GOLPH3L: variants seen among roughly 807,000 people sequenced by gnomAD.
The protein encoded by GOLPH3L is Golgi phosphoprotein 3-like.
GOLPH3L carries 22 observed loss-of-function variants against 30.3 expected under a neutral mutation model. The ratio of observed to expected loss-of-function variants is 0.73; its 90% confidence interval spans 0.52 to 1.04. GOLPH3L has a LOEUF of 1.04. GOLPH3L is among the 50% of genes least tolerant of loss of function. The pLI is 0.00. For missense variants in GOLPH3L, 303 were observed against 345.8 expected, an observed-to-expected ratio of 0.88 and a Z score of 0.98; for synonymous variants, 120 against 128.2, an observed-to-expected ratio of 0.94 and a Z score of 0.43.
chr1:150,648,323 A>G lies in GOLPH3L; in HGVS notation c.856T>C (p.Ter286GlnextTer14), dbSNP rs1311423351. The change falls in exon 5 of 5, where the codon TAA becomes CAA. Residue 286 changes from the stop codon to glutamine (Q), a stop_lost. Transcript: ENST00000271732. ...WAVLAAFNKS* is the reference protein window; with the variant it reads ...WAVLAAFNKSQ ...AAGGAGAAATCCACCTGCCGGCTTT[A>G]AGATTTATTGAAGGCTGCCAGCACA... is the stretch of plus-strand genomic sequence containing the variant. The G allele has an allele frequency of 6.3e-7, 1 of 1,586,638 alleles. No individual in the cohort carries two copies. The highest frequency in any genetic ancestry group is 8.6e-7 in the Non-Finnish European group (1 of 1,163,472).
Position 150,646,447 on chromosome 1 carries a change from T to C in GOLPH3L, c.*1874A>G, listed in dbSNP as rs587629194. 1 of 152,320 alleles carries C rather than the reference T, an allele frequency of 6.6e-6. No homozygotes were observed. The highest frequency in any genetic ancestry group is 2.4e-5 in the African/African-American group (1 of 41,574). The allele number at this position is 152,320 out of a possible 1,614,324, so 9.4% of individuals were successfully genotyped here. ...CACAGGAAAACCTGGTTTCAATTCATGCCGAATTGTTCAAAGAAAAGAAAA... is the reference window on the plus strand; with the variant it reads ...CACAGGAAAACCTGGTTTCAATTCACGCCGAATTGTTCAAAGAAAAGAAAA... On this transcript the variant is annotated 3_prime_UTR_variant, in exon 5 of 5. Coordinates refer to ENST00000271732, the MANE Select transcript of GOLPH3L (RefSeq NM_018178.6).
intron 4 of GOLPH3L, among the ~76,000 whole-genome samples, chr1:150,658,867 T>G (rs1159051058): frequency 5.9e-5 from 9 of 152,188 alleles, no homozygotes; most frequent in African/African-American, 1.9e-4. Context: ...TATTAATGGC[T>G]CTTAATAAGA....
chr1:150,675,779 CAAAAAAAAA>C (rs58158655), intron 2 of GOLPH3L, among the ~76,000 whole-genome samples: 5 of 49,264 alleles, frequency 1.0e-4, no homozygotes, highest in Non-Finnish European at 1.3e-4. Context: ...GACTCTGTCT[CAAAAAAAAA>C]AAAAAAAAAA....
Position 150,648,595 on chromosome 1 carries a change from T to C in GOLPH3L, c.584A>G (p.Glu195Gly). ...MTTHPVTNTT[E>G]KQRLVKKLQD... ...AAGTTTTTTCACTAGTCGCTGTTTC[T>C]CTGTTGTATTGGTCACTGGATGAGT... Residue 195 changes from glutamate (E) to glycine (G), a missense_variant, in exon 5 of 5, where the codon GAG becomes GGG. By Grantham distance (98) the Glu-to-Gly change is moderately conservative. Coordinates refer to ENST00000271732, the MANE Select transcript of GOLPH3L (RefSeq NM_018178.6). 3 of 1,614,088 alleles carry C rather than the reference T, an allele frequency of 1.9e-6. No individual in the cohort carries two copies. Among genetic ancestry groups the C allele is most frequent in the Non-Finnish European group, 2.5e-6 (3 of 1,179,992 alleles).
At chr1:150,665,704 CATT>C (rs750188702) in intron 2 of GOLPH3L, among the ~76,000 whole-genome samples, 55 of 152,082 alleles carry the variant, frequency 3.6e-4, no homozygotes, top group Non-Finnish European at 6.9e-4. Context: ...TCATCATCAT[CATT>C]ATTATTTTAT....
intron 4 of GOLPH3L, among the ~76,000 whole-genome samples, chr1:150,654,694 C>A (rs1016909345): frequency 6.6e-6 from 1 of 152,110 alleles, no homozygotes; most frequent in South Asian, 2.1e-4. Flanking sequence ...TGTTCCAAAC[C>A]GGGGCATTTC....
intron 2 of GOLPH3L, among the ~76,000 whole-genome samples, chr1:150,679,605 G>A (rs796120385): frequency 5.9e-5 from 9 of 152,208 alleles, no homozygotes; most frequent in African/African-American, 2.2e-4. Context: ...AGACCAGCCT[G>A]GGCAACAAAG....
At chr1:150,676,436 A>G (rs587708818) in intron 2 of GOLPH3L, among the ~76,000 whole-genome samples, 148 of 152,254 alleles carry the variant, frequency 9.7e-4, no homozygotes, top group African/African-American at 3.5e-3. Context: ...CATCCAAAAA[A>G]TACTGCATAT....
At chr1:150,658,421 C>T (rs1009666330) in intron 4 of GOLPH3L, among the ~76,000 whole-genome samples, 1 of 152,148 alleles carries the variant, frequency 6.6e-6, no homozygotes, top group African/African-American at 2.4e-5. Context: ...GGCAATAATG[C>T]CTGGATGTAA....
intron 1 of GOLPH3L, among the ~76,000 whole-genome samples, chr1:150,695,309 G>A (rs1651323862): frequency 6.6e-6 from 1 of 151,990 alleles, no homozygotes; most frequent in African/African-American, 2.4e-5. Context: ...GCTAATTTTT[G>A]TATTTTTAGT....
intron 4 of GOLPH3L, among the ~76,000 whole-genome samples, chr1:150,650,990 T>C (rs774513281): frequency 1.3e-5 from 2 of 152,126 alleles, no homozygotes; most frequent in African/African-American, 2.4e-5. Context: ...ACTTATCATA[T>C]AGAGAATATA....
chr1:150,651,437 G>T (rs1455653909), intron 4 of GOLPH3L, among the ~76,000 whole-genome samples: 1 of 151,940 alleles, frequency 6.6e-6, no homozygotes, highest in Non-Finnish European at 1.5e-5. Flanking sequence ...ATTACTTGAA[G>T]CCAGGAGTTT....
chr1:150,657,785 C>T (rs1340362942), intron 4 of GOLPH3L, among the ~76,000 whole-genome samples: 1 of 152,160 alleles, frequency 6.6e-6, no homozygotes, highest in African/African-American at 2.4e-5. Context: ...TGAATCTCTC[C>T]CTAAAAGAGC....
chr1:150,685,881 T>A (rs1387019555), intron 2 of GOLPH3L, among the ~76,000 whole-genome samples: 1 of 148,376 alleles, frequency 6.7e-6, no homozygotes, highest in Non-Finnish European at 1.5e-5. Context: ...TGTCTTTTTT[T>A]TTTTTTTTTT....
intron 2 of GOLPH3L, among the ~76,000 whole-genome samples, chr1:150,682,497 C>T (rs1257540498): frequency 6.6e-6 from 1 of 151,596 alleles, no homozygotes; most frequent in African/African-American, 2.4e-5. Context: ...GGCGTGGTGG[C>T]CTGCACCTGT....
At chr1:150,649,978 C>G (rs1041147900) in intron 4 of GOLPH3L, among the ~76,000 whole-genome samples, 4 of 151,908 alleles carry the variant, frequency 2.6e-5, no homozygotes, top group Non-Finnish European at 5.9e-5. Flanking sequence ...CAGAGTGAGA[C>G]TTCATCTCAA....
chr1:150,657,976 C>T (rs587649016), intron 4 of GOLPH3L, among the ~76,000 whole-genome samples: 129 of 152,258 alleles, frequency 8.5e-4, no homozygotes, highest in Admixed American at 1.3e-3. Context: ...TGGAGAGATC[C>T]GGTAGCAAAA....
At position 150,676,557 on chromosome 1, in the gene GOLPH3L, TA is replaced by T. The variant is rs201058883; in HGVS notation, c.184-12795del. 8.5e-4 allele frequency among the ~76,000 whole-genome samples: 129 copies of T among 152,124 alleles called. 1 individual carries two copies. The East Asian group carries it at 0.02, about 24-fold the overall frequency. Reference sequence around the variant, plus strand: ...CCTTCATATTCCATCAATTGTTTAGTAAATTTTTTTTTACAGTTGCTTTGTT... The same window carrying T: ...CCTTCATATTCCATCAATTGTTTAGTAATTTTTTTTTACAGTTGCTTTGTT... On this transcript the variant is annotated intron_variant, in intron 2 of 4. Coordinates refer to ENST00000271732, the MANE Select transcript of GOLPH3L (RefSeq NM_018178.6).
intron 2 of GOLPH3L, among the ~76,000 whole-genome samples, chr1:150,684,723 A>G (rs1268163808): frequency 6.6e-6 from 1 of 151,644 alleles, no homozygotes; most frequent in Admixed American, 6.6e-5. Context: ...ACTGTAGTGC[A>G]ATGGTGCGAT....
Sources: allele counts gnomAD v4.1 joint callset (sites outside exome capture counted in the v4.1 genomes callset), GRCh38; gene constraint gnomAD v4.1.1; transcripts MANE v1.5; gene names NCBI Gene and HGNC (gene_info 2026-07-23, HGNC 2026-07-21).